MCF2L2: variants seen among roughly 807,000 people sequenced by gnomAD.
The protein encoded by MCF2L2 is probable guanine nucleotide exchange factor MCF2L2.
In MCF2L2, 102 loss-of-function variants were observed where a neutral mutation model predicts 150.2. The observed-to-expected ratio is 0.68, with a 90% CI of 0.58 to 0.80. The LOEUF is 0.80. Among genes scored for constraint, MCF2L2 ranks in the 30% least tolerant of loss-of-function variants. The pLI, the probability that MCF2L2 is intolerant of heterozygous loss-of-function variation, is 0.00. For missense variants in MCF2L2, 1,256 were observed against 1,372.8 expected, an observed-to-expected ratio of 0.91 and a Z score of 1.34; for synonymous variants, 465 against 491.3, an observed-to-expected ratio of 0.95 and a Z score of 0.71.
At chr3:183,244,322 C>A (rs566318173) in intron 15 of MCF2L2, among the ~76,000 whole-genome samples, 5 of 152,182 alleles carry the variant, frequency 3.3e-5, no homozygotes, top group African/African-American at 1.2e-4. Context: ...CTTGGACTTA[C>A]AACAGTAATT....
At chr3:183,392,045 G>A (rs558129760) in intron 1 of MCF2L2, among the ~76,000 whole-genome samples, 8 of 152,156 alleles carry the variant, frequency 5.3e-5, no homozygotes, top group South Asian at 2.1e-4. Flanking sequence ...AAACCACCAC[G>A]CCTGGCCAAG....
chr3:183,280,029 A>G (rs1266814350), intron 14 of MCF2L2, among the ~76,000 whole-genome samples: 1 of 140,008 alleles, frequency 7.1e-6, no homozygotes, highest in East Asian at 2.0e-4. Flanking sequence ...TCCGTCTCCA[A>G]AAAAAAAAAA....
intron 22 of MCF2L2, among the ~76,000 whole-genome samples, chr3:183,212,193 G>A (rs979019584): frequency 1.3e-5 from 2 of 152,204 alleles, no homozygotes; most frequent in African/African-American, 2.4e-5. Flanking sequence ...CAGAGGGAAC[G>A]TGGGCCTGCT....
chr3:183,395,889 G>C (rs1342879768), intron 1 of MCF2L2, among the ~76,000 whole-genome samples: 1 of 136,838 alleles, frequency 7.3e-6, no homozygotes, highest in Non-Finnish European at 1.5e-5. Context: ...CTGCACTCCA[G>C]CCTGGGCAAC....
chr3:183,408,981 T>G (rs1715184024), intron 1 of MCF2L2, among the ~76,000 whole-genome samples: 1 of 152,260 alleles, frequency 6.6e-6, no homozygotes, highest in Admixed American at 6.5e-5. Flanking sequence ...TATTAGATTA[T>G]TAGACTTTTT....
chr3:183,240,084 G>T (rs1321327565), intron 15 of MCF2L2, among the ~76,000 whole-genome samples: 2 of 152,190 alleles, frequency 1.3e-5, no homozygotes, highest in African/African-American at 4.8e-5. Flanking sequence ...TGCTTCCTGG[G>T]TGACTACTGA....
At chr3:183,300,301 G>A (rs1313616679) in intron 10 of MCF2L2, 105 bp from the exon 11 acceptor site, 48 of 1,014,858 alleles carry the variant, frequency 4.7e-5, no homozygotes, top group Non-Finnish European at 6.2e-5. Flanking sequence ...CTGTGGAGAT[G>A]CTAACCCAGG....
chr3:183,304,941 AG>A (rs1417751024), intron 10 of MCF2L2, among the ~76,000 whole-genome samples: 1 of 152,242 alleles, frequency 6.6e-6, no homozygotes, highest in Non-Finnish European at 1.5e-5. Context: ...CATGTTCCAT[AG>A]CCCAGAATTT....
intron 2 of MCF2L2, among the ~76,000 whole-genome samples, chr3:183,386,927 C>G (rs1380697763): frequency 3.3e-5 from 5 of 152,192 alleles, no homozygotes; most frequent in African/African-American, 1.2e-4. Flanking sequence ...GCTGTAATTA[C>G]TATCACAGCG....
At chr3:183,372,194 C>T (rs930256418) in intron 3 of MCF2L2, 4 of 152,048 alleles carry the variant, frequency 2.6e-5, no homozygotes, top group Admixed American at 6.5e-5. Context: ...ACTTCTCTGA[C>T]GAGGCTGGTT....
In MCF2L2 at chr3:183,270,131, G is replaced by A. The variant is rs1182054494; in HGVS notation, c.1862+6741C>T. The A allele has an allele frequency of 6.2e-7, 1 of 1,614,108 alleles. No individual in the cohort carries two copies. Among genetic ancestry groups the A allele is most frequent in the Admixed American group, 1.7e-5 (1 of 59,996 alleles). On this transcript the variant is annotated intron_variant, in intron 15 of 29. Coordinates refer to ENST00000328913, the MANE Select transcript of MCF2L2 (RefSeq NM_015078.4). This position sits in a 1 kb window ranked among gnomAD's most constrained non-coding sequence, Gnocchi z 4.5. ...GACGTTCCGGAATTAGAAGGACGTG[G>A]GGCAATGAAAATTATGTTCGGTCTC...
In MCF2L2 at chr3:183,285,664, T is replaced by G. The variant is rs7612200; in HGVS notation, c.1776+3456A>C. Among the ~76,000 whole-genome samples the G allele has an allele frequency of 7.2e-3, 1,101 of 152,300 alleles. 19 individuals are homozygous for G. Among genetic ancestry groups the G allele is most frequent in the African/African-American group, 0.025 (1,028 of 41,554 alleles). ...GCATTCAAAAACTTTTATTTATTTA[T>G]TTTTTTAATTTAGGAGGCTCTTTGC... is the stretch of plus-strand genomic sequence containing the variant. On this transcript the variant is annotated intron_variant, in intron 14 of 29. Coordinates refer to ENST00000328913, the MANE Select transcript of MCF2L2 (RefSeq NM_015078.4).
At chr3:183,221,222 C>T (rs943569104) in intron 20 of MCF2L2, among the ~76,000 whole-genome samples, 13 of 152,212 alleles carry the variant, frequency 8.5e-5, no homozygotes, top group African/African-American at 1.9e-4. Context: ...GTAGCTCCCA[C>T]GGCTCCTCAC....
rs1244069131 is a variant in MCF2L2 at position 183,267,038 on chromosome 3, G to T, written c.1862+9834C>A. Among the ~76,000 whole-genome samples, 1 of 151,994 alleles carries T rather than the reference G, an allele frequency of 6.6e-6. No individual in the cohort carries two copies. Among genetic ancestry groups the T allele is most frequent in the Non-Finnish European group, 1.5e-5 (1 of 67,986 alleles). On this transcript the variant is annotated intron_variant, in intron 15 of 29. Transcript: ENST00000328913. The surrounding 1 kb of genome is among the most constrained non-coding windows in gnomAD (Gnocchi z 5.5). ...TGACCTCAAGTGATCCTCCTGCCTC[G>T]GCCTCCCAAAGCGCTAGGATTACAG... is the stretch of plus-strand genomic sequence containing the variant.
intron 20 of MCF2L2, 48 bp from the exon 21 acceptor site, chr3:183,219,972 T>C: frequency 7.4e-7 from 1 of 1,354,744 alleles, no homozygotes; most frequent in Non-Finnish European, 1.1e-6. Flanking sequence ...TACATTGCCA[T>C]CAAAATGTAG....
intron 18 of MCF2L2, 30 bp downstream of exon 18, chr3:183,228,267 C>G (rs773855351): frequency 6.4e-7 from 1 of 1,566,538 alleles, no homozygotes. Flanking sequence ...CTGACTTTAA[C>G]ATGATTATTT....
intron 15 of MCF2L2, among the ~76,000 whole-genome samples, chr3:183,233,402 G>A (rs1031908029): frequency 1.5e-5 from 2 of 129,868 alleles, no homozygotes; most frequent in Non-Finnish European, 3.3e-5. Context: ...AGATATATGT[G>A]TGTGTGTGTG....
chr3:183,279,881 T>C (rs1365624659), intron 14 of MCF2L2, among the ~76,000 whole-genome samples: 3 of 152,020 alleles, frequency 2.0e-5, no homozygotes, highest in Non-Finnish European at 2.9e-5. Context: ...ATACAAAAAT[T>C]AGCCGGGCAT....
Position 183,427,817 on chromosome 3 carries a change from G to C in MCF2L2, c.76+85C>G, listed in dbSNP as rs552953025. The stretch of plus-strand genomic sequence containing the variant: ...AGGAAGCGCGCTGCCCCGGGGCAGC[G>C]GGTGAGGCCAGGAGCCAGATGAAGC... On this transcript the variant is annotated intron_variant, in intron 1 of 29. Transcript: ENST00000328913. The C allele has an allele frequency of 3.6e-5, 42 of 1,177,060 alleles. No individual in the cohort carries two copies. The South Asian group carries it at 5.1e-4, about 14-fold the overall frequency. 72.9% of individuals were successfully genotyped at this position (1,177,060 alleles called of 1,614,324 possible). A position where few individuals can be genotyped will look rare whatever the true frequency, so the allele number is the denominator to read the frequency against.
Sources: allele counts gnomAD v4.1 joint callset (sites outside exome capture counted in the v4.1 genomes callset), GRCh38; gene constraint gnomAD v4.1.1; non-coding constraint Gnocchi (gnomAD v3.1); transcripts MANE v1.5; gene names NCBI Gene and HGNC (gene_info 2026-07-23, HGNC 2026-07-21).